SLC24A2: variants seen among roughly 807,000 people sequenced by gnomAD.
SLC24A2 encodes solute carrier family 24 member 2, also known as sodium/potassium/calcium exchanger 2.
In SLC24A2, 36 loss-of-function variants were observed where a neutral mutation model predicts 62.0. The ratio of observed to expected loss-of-function variants is 0.58; its 90% CI spans 0.44 to 0.77. The LOEUF is 0.77. Among genes scored for constraint, SLC24A2 ranks in the 30% least tolerant of loss-of-function variants. The pLI is 0.00. For missense variants in SLC24A2, 846 were observed against 817.9 expected (o/e 1.03, Z -0.42); for synonymous variants, 358 against 294.0 (o/e 1.22, Z -2.23).
At chr9:20,174,420 C>A in the SLC24A2 span, among the ~76,000 whole-genome samples, 3 of 151,800 alleles carry the variant, frequency 2.0e-5, no homozygotes, top group Non-Finnish European at 4.4e-5. Context: ...AACAGACAAC[C>A]CACAGAGTGG....
intron 2 of SLC24A2, among the ~76,000 whole-genome samples, chr9:19,770,562 T>A (rs1013365681): frequency 7.2e-5 from 11 of 152,196 alleles, no homozygotes; most frequent in African/African-American, 2.4e-4. Flanking sequence ...CCTATTACCT[T>A]ACTAACTATC....
the SLC24A2 span, among the ~76,000 whole-genome samples, chr9:20,129,921 A>G: frequency 6.9e-6 from 1 of 145,210 alleles, no homozygotes; most frequent in Non-Finnish European, 1.5e-5. Flanking sequence ...TATTATGTAT[A>G]ATTTACTACA....
At chr9:20,024,100 G>A in the SLC24A2 span, among the ~76,000 whole-genome samples, 1 of 152,214 alleles carries the variant, frequency 6.6e-6, no homozygotes. Flanking sequence ...GGCAGACAGA[G>A]TGGAATCACA....
At chr9:19,551,359 C>A (rs1834836495) in intron 7 of SLC24A2, among the ~76,000 whole-genome samples, 1 of 152,150 alleles carries the variant, frequency 6.6e-6, no homozygotes, top group Non-Finnish European at 1.5e-5. Context: ...TATTTGTCAG[C>A]CACTGAAGTC....
chr9:19,636,304 CTTTTCTTTTCTTTTCT>C (rs1818320542), intron 2 of SLC24A2, among the ~76,000 whole-genome samples: 1 of 42,496 alleles, frequency 2.4e-5, no homozygotes, highest in Non-Finnish European at 4.5e-5. Flanking sequence ...CTTTTCTTTT[CTTTTCTTTTCTTTTCT>C]TTCTTTCTTT....
the SLC24A2 span, among the ~76,000 whole-genome samples, chr9:19,890,140 C>A: frequency 8.5e-5 from 13 of 152,336 alleles, no homozygotes; most frequent in East Asian, 2.5e-3. Context: ...AATCCCAACC[C>A]AGTTTAAACC....
At chr9:19,715,049 T>C (rs1820819747) in intron 2 of SLC24A2, among the ~76,000 whole-genome samples, 1 of 151,872 alleles carries the variant, frequency 6.6e-6, no homozygotes, top group African/African-American at 2.4e-5. Context: ...ACTCCATCCT[T>C]ACCACCACCA....
the SLC24A2 span, among the ~76,000 whole-genome samples, chr9:20,183,719 G>A: frequency 1.3e-5 from 2 of 152,202 alleles, no homozygotes; most frequent in African/African-American, 4.8e-5. Flanking sequence ...TTTGGGGGAT[G>A]AAAGCATAGA....
chr9:19,554,299 AAG>A (rs1323411749), intron 7 of SLC24A2, among the ~76,000 whole-genome samples: 1 of 152,246 alleles, frequency 6.6e-6, no homozygotes, highest in Admixed American at 6.5e-5. Flanking sequence ...TTTCAACAAA[AAG>A]TGATACAAAT....
intron 2 of SLC24A2, among the ~76,000 whole-genome samples, chr9:19,688,280 T>C (rs1253569664): frequency 1.3e-5 from 2 of 152,144 alleles, no homozygotes; most frequent in African/African-American, 4.8e-5. Context: ...TTTAGGCACA[T>C]CATATAACTT....
chr9:19,517,123 T>C (rs1181389733), intron 10 of SLC24A2, among the ~76,000 whole-genome samples: 4 of 152,212 alleles, frequency 2.6e-5, no homozygotes, highest in African/African-American at 7.2e-5. Context: ...TTGTGTTTCC[T>C]ATCGAGAGTG....
chr9:20,012,864 G>A, the SLC24A2 span, among the ~76,000 whole-genome samples: 1 of 151,596 alleles, frequency 6.6e-6, no homozygotes, highest in South Asian at 2.1e-4. Context: ...AGACTTGTAT[G>A]TTGAAAACTA....
At chr9:19,904,647 G>A in the SLC24A2 span, among the ~76,000 whole-genome samples, 1 of 152,162 alleles carries the variant, frequency 6.6e-6, no homozygotes, top group Admixed American at 6.5e-5. Context: ...CATTACTCAT[G>A]ATTCTTCTCA....
the SLC24A2 span, among the ~76,000 whole-genome samples, chr9:20,092,577 T>G: frequency 6.6e-6 from 1 of 152,250 alleles, no homozygotes; most frequent in Non-Finnish European, 1.5e-5. Context: ...TTCTTTCCTT[T>G]TGCTTTTCTT....
At chr9:20,047,829 G>T in the SLC24A2 span, among the ~76,000 whole-genome samples, 24 of 151,606 alleles carry the variant, frequency 1.6e-4, no homozygotes, top group African/African-American at 5.6e-4. Context: ...TGAGTTTTGG[G>T]GAGACACAAA....
the SLC24A2 span, among the ~76,000 whole-genome samples, chr9:20,020,198 T>A: frequency 6.6e-6 from 1 of 152,192 alleles, no homozygotes; most frequent in Non-Finnish European, 1.5e-5. Flanking sequence ...AAATACCATT[T>A]GACCCAGCCA....
At chr9:20,032,044 C>T in the SLC24A2 span, among the ~76,000 whole-genome samples, 1 of 152,310 alleles carries the variant, frequency 6.6e-6, no homozygotes, top group Admixed American at 6.5e-5. Context: ...CCCCAAGGGA[C>T]TCTGACTATG....
chr9:19,884,390 A>G, the SLC24A2 span, among the ~76,000 whole-genome samples: 1 of 152,096 alleles, frequency 6.6e-6, no homozygotes, highest in Non-Finnish European at 1.5e-5. Context: ...TCCTGGTTCT[A>G]TATCTGGGTT....
the SLC24A2 span, among the ~76,000 whole-genome samples, chr9:19,991,117 G>A: frequency 6.6e-6 from 1 of 151,820 alleles, no homozygotes; most frequent in Non-Finnish European, 1.5e-5. Flanking sequence ...ATCACAAGGT[G>A]AAGTCCCACA....
Sources: gnomAD v4.1 joint callset for allele counts (sites outside exome capture counted in the v4.1 genomes callset) on GRCh38, gnomAD v4.1.1 for gene constraint, MANE v1.5 for transcripts, NCBI Gene and HGNC (gene_info 2026-07-23, HGNC 2026-07-21) for gene names.